DSCAM: variants seen among roughly 807,000 people sequenced by gnomAD.
DSCAM encodes cell adhesion molecule DSCAM.
A neutral mutation model predicts 217.7 loss-of-function variants in DSCAM; 47 were observed. That is an observed-to-expected ratio of 0.22 (90% CI 0.17 to 0.28). The LOEUF (loss-of-function observed/expected upper bound fraction) is 0.28, where lower values mean the gene tolerates loss of function less well. DSCAM is among the 10% of genes least tolerant of loss of function. The pLI, the probability that DSCAM is intolerant of heterozygous loss-of-function variation, is 1.00. For synonymous variants in DSCAM, 1,056 were observed against 1,015.3 expected (o/e 1.04, Z -0.76); for missense variants, 2,080 against 2,618.3 (o/e 0.79, Z 4.49).
At chr21:40,716,120 T>G (rs1290046169) in intron 1 of DSCAM, among the ~76,000 whole-genome samples, 1 of 152,220 alleles carries the variant, frequency 6.6e-6, no homozygotes, top group African/African-American at 2.4e-5. Flanking sequence ...CCTTATATTT[T>G]TAAAGAATTT....
chr21:40,698,853 G>A (rs1219180074), intron 2 of DSCAM, among the ~76,000 whole-genome samples: 1 of 134,612 alleles, frequency 7.4e-6, no homozygotes. Context: ...CTGGGCGACA[G>A]AGCGAGAATC....
chr21:40,653,085 G>A (rs2090035447), intron 3 of DSCAM, among the ~76,000 whole-genome samples: 1 of 152,226 alleles, frequency 6.6e-6, no homozygotes, highest in Non-Finnish European at 1.5e-5. Context: ...GGAAGCCTGT[G>A]CCTGGTCTTT....
intron 1 of DSCAM, among the ~76,000 whole-genome samples, chr21:40,786,701 C>T (rs529311371): frequency 6.6e-6 from 1 of 152,256 alleles, no homozygotes; most frequent in East Asian, 1.9e-4. Flanking sequence ...CCTTGGGATT[C>T]GTCAGAGTTC....
At chr21:40,240,195 T>A (rs2073130682) in intron 11 of DSCAM, among the ~76,000 whole-genome samples, 2 of 151,990 alleles carry the variant, frequency 1.3e-5, no homozygotes, top group South Asian at 4.1e-4. Flanking sequence ...GAGGAAGCCC[T>A]CCCGATTAAC....
At chr21:40,070,747 C>T (rs2089282503) in intron 27 of DSCAM, among the ~76,000 whole-genome samples, 1 of 152,192 alleles carries the variant, frequency 6.6e-6, no homozygotes, top group African/African-American at 2.4e-5. Context: ...GGCTCATTTG[C>T]AGAGCAGATA....
At chr21:40,686,568 T>C (rs144925453) in intron 3 of DSCAM, among the ~76,000 whole-genome samples, 2 of 152,334 alleles carry the variant, frequency 1.3e-5, no homozygotes, top group Admixed American at 1.3e-4. Flanking sequence ...CCTATCTCTA[T>C]GTGTCTATCT....
intron 1 of DSCAM, among the ~76,000 whole-genome samples, chr21:40,832,088 A>G (rs1219582951): frequency 6.6e-6 from 1 of 152,206 alleles, no homozygotes; most frequent in Non-Finnish European, 1.5e-5. Context: ...CTGGTTTTGC[A>G]ATCTGTAAAA....
intron 8 of DSCAM, among the ~76,000 whole-genome samples, chr21:40,334,039 C>T (rs2074403776): frequency 6.6e-6 from 1 of 152,128 alleles, no homozygotes; most frequent in Admixed American, 6.5e-5. Context: ...TTTTGTCAGA[C>T]TTTATTTTCA....
intron 1 of DSCAM, among the ~76,000 whole-genome samples, chr21:40,803,813 T>C (rs2123509472): frequency 6.6e-6 from 1 of 152,144 alleles, no homozygotes; most frequent in African/African-American, 2.4e-5. Flanking sequence ...TCTGGACCGT[T>C]GAGTGTTGTT....
At chr21:40,106,113 A>C (rs1486042706) in intron 20 of DSCAM, among the ~76,000 whole-genome samples, 1 of 152,196 alleles carries the variant, frequency 6.6e-6, no homozygotes, top group Non-Finnish European at 1.5e-5. Flanking sequence ...AAGGAGGAGC[A>C]AAGGCATGTT....
At chr21:40,507,883 C>G (rs530422114) in intron 3 of DSCAM, among the ~76,000 whole-genome samples, 2 of 152,242 alleles carry the variant, frequency 1.3e-5, no homozygotes, top group South Asian at 4.2e-4. Context: ...TTTCTCTGTA[C>G]CCCCTCGCCC....
intron 1 of DSCAM, among the ~76,000 whole-genome samples, chr21:40,772,551 C>T (rs1355789663): frequency 6.6e-6 from 1 of 152,324 alleles, no homozygotes; most frequent in East Asian, 1.9e-4. Flanking sequence ...CTGCGGGTGG[C>T]TCTGCATAGA....
intron 32 of DSCAM, among the ~76,000 whole-genome samples, chr21:40,025,063 G>A (rs1292155333): frequency 2.3e-5 from 3 of 128,552 alleles, no homozygotes; most frequent in East Asian, 2.2e-4. Flanking sequence ...CTAACTTATT[G>A]AGAGTTTTTA....
chr21:40,337,801 A>T (rs571699228), intron 8 of DSCAM, among the ~76,000 whole-genome samples: 2 of 152,310 alleles, frequency 1.3e-5, no homozygotes, highest in African/African-American at 4.8e-5. Context: ...TATCTGAGAG[A>T]TGACTAGATA....
At chr21:40,078,608 G>A in intron 26 of DSCAM, 79 bp downstream of exon 26, 3 of 1,538,112 alleles carry the variant, frequency 2.0e-6, no homozygotes, top group South Asian at 1.3e-5. Flanking sequence ...CAAAGATGAT[G>A]TTCGATGGGA....
At chr21:40,804,600 A>G (rs1181279336) in intron 1 of DSCAM, among the ~76,000 whole-genome samples, 1 of 151,776 alleles carries the variant, frequency 6.6e-6, no homozygotes, top group Non-Finnish European at 1.5e-5. Flanking sequence ...CCACTTTGCA[A>G]CTCACCCTAA....
chr21:40,214,317 AG>A (rs2091218420), intron 11 of DSCAM, among the ~76,000 whole-genome samples: 1 of 152,230 alleles, frequency 6.6e-6, no homozygotes, highest in Non-Finnish European at 1.5e-5. Flanking sequence ...GAGACTCTAA[AG>A]AGTGGCATAT....
At chr21:40,273,725 G>A (rs1411770580) in intron 11 of DSCAM, among the ~76,000 whole-genome samples, 1 of 152,234 alleles carries the variant, frequency 6.6e-6, no homozygotes, top group East Asian at 1.9e-4. Context: ...CAGTTCTAAG[G>A]CTGGAAGTCT....
Position 40,186,989 on chromosome 21 carries a change from C to T in DSCAM, c.2779+142G>A, listed in dbSNP as rs2090901345. 15 of 1,018,076 alleles carry T rather than the reference C, an allele frequency of 1.5e-5. No individual in the cohort carries two copies. In the South Asian group the frequency reaches 2.4e-4, roughly 16 times the overall value. The allele number at this position is 1,018,076 out of a possible 1,614,324, so 63.1% of individuals were successfully genotyped here. ...CACAGCAGAAAGCCAGGATGTGCTTCCAGCAAGGAGACTGGGGGAAGTGGT... is the reference window on the plus strand; with the variant it reads ...CACAGCAGAAAGCCAGGATGTGCTTTCAGCAAGGAGACTGGGGGAAGTGGT... On this transcript the variant is annotated intron_variant, in intron 14 of 32. Coordinates refer to ENST00000400454, the MANE Select transcript of DSCAM (RefSeq NM_001389.5).
Sources: allele counts gnomAD v4.1 joint callset (sites outside exome capture counted in the v4.1 genomes callset), GRCh38; gene constraint gnomAD v4.1.1; transcripts MANE v1.5; gene names NCBI Gene and HGNC (gene_info 2026-07-23, HGNC 2026-07-21).